Variants in TMPRSS13 observed in about 807,000 individuals in gnomAD.
The protein encoded by TMPRSS13 is transmembrane serine protease 13, also known as transmembrane protease serine 13.
A neutral mutation model predicts 68.4 loss-of-function variants in TMPRSS13; 50 were observed. The ratio of observed to expected loss-of-function variants is 0.73; its 90% confidence interval spans 0.58 to 0.93. TMPRSS13 has a LOEUF of 0.93. Among genes scored for constraint, TMPRSS13 ranks in the 40% least tolerant of loss-of-function variants. The pLI, the probability that TMPRSS13 is intolerant of heterozygous loss-of-function variation, is 0.00. For synonymous variants in TMPRSS13, 267 were observed against 285.8 expected, an observed-to-expected ratio of 0.93 and a Z score of 0.66; for missense variants, 615 against 729.2, an observed-to-expected ratio of 0.84 and a Z score of 1.80.
At chr11:117,919,604 C>T (rs2057622693) in intron 1 of TMPRSS13, among the ~76,000 whole-genome samples, 1 of 152,268 alleles carries the variant, frequency 6.6e-6, no homozygotes, top group Non-Finnish European at 1.5e-5. Context: ...TCTTCCCCAA[C>T]TTCAGGGGGA....
intron 2 of TMPRSS13, 126 bp downstream of exon 2, chr11:117,918,282 AC>A (rs1033334938): frequency 5.6e-5 from 60 of 1,079,860 alleles, no homozygotes; most frequent in Middle Eastern, 3.1e-4. Context: ...CTCACTTCCC[AC>A]CCCCCTACCT....
At position 117,917,219 on chromosome 11, in the gene TMPRSS13, G is replaced by A. The variant is rs746497667; in HGVS notation, c.507C>T (p.Ile169=). The A allele has an allele frequency of 8.1e-6, 13 of 1,612,914 alleles. No individual in the cohort carries two copies. The highest frequency in any genetic ancestry group is 1.1e-5 in the Non-Finnish European group (13 of 1,180,016). Residue 169 remains isoleucine, a synonymous_variant, in exon 3 of 13, where the codon ATC becomes ATT. Transcript: ENST00000524993. The part of the protein sequence containing the change: ...WREGQKQLPL[I]GCVLLLIALV... The stretch of plus-strand genomic sequence containing the variant: ...GGGCAATGAGGAGGAGCACGCACCC[G>A]ATGAGCGGTAGCTGCTTCTGGCCCT...
In TMPRSS13 at chr11:117,918,393, A is replaced by G. The variant is rs369987500; in HGVS notation, c.451+16T>C. ...GCTTCCCATCTCTCGTGGCTTCCCT[A>G]CAGCATCCCCCTTACCTGGGCTCTC... On this transcript the variant is annotated intron_variant, in intron 2 of 12. Transcript: ENST00000524993. 5.6e-6 allele frequency: 9 copies of G among 1,609,786 alleles called. No homozygotes were observed. The highest frequency in any genetic ancestry group is 1.1e-5 in the South Asian group (1 of 90,930).
chr11:117,910,453 A>T, intron 7 of TMPRSS13: 1 of 494,950 alleles, frequency 2.0e-6, no homozygotes, highest in Non-Finnish European at 3.6e-6. Context: ...CCCCTGATGC[A>T]CAGAAGACTC....
At chr11:117,928,124 T>C (rs1419238442) in intron 1 of TMPRSS13, among the ~76,000 whole-genome samples, 2 of 152,310 alleles carry the variant, frequency 1.3e-5, no homozygotes. Flanking sequence ...GCTCCCAGCA[T>C]ATTGCCAAGG....
intron 1 of TMPRSS13, among the ~76,000 whole-genome samples, chr11:117,928,397 C>T (rs143710363): frequency 3.4e-3 from 514 of 152,282 alleles, no homozygotes; most frequent in African/African-American, 0.012. Context: ...GCAGAATGGA[C>T]CACAAGCCAA....
At chr11:117,921,693 C>A (rs568469730) in intron 1 of TMPRSS13, among the ~76,000 whole-genome samples, 184 of 152,276 alleles carry the variant, frequency 1.2e-3, no homozygotes, top group Non-Finnish European at 2.2e-3. Flanking sequence ...TCTCTGCAGG[C>A]CCTGGGTCTG....
In TMPRSS13 at chr11:117,905,742, A is replaced by G. The variant is rs1011509233; in HGVS notation, c.1283-6T>C. 1 of 1,590,886 alleles carries G rather than the reference A, an allele frequency of 6.3e-7. No individual in the cohort carries two copies. Among genetic ancestry groups the G allele is most frequent in the Non-Finnish European group, 8.6e-7 (1 of 1,165,550 alleles). ...GCAAGCAGGGTGGATGTGAGCTGCA[A>G]CAAGACCTCCAGACGTCAGTGAAGG... On this transcript the variant is annotated splice_region_variant and splice_polypyrimidine_tract_variant and intron_variant, in intron 9 of 12. Coordinates refer to ENST00000524993, the MANE Select transcript of TMPRSS13 (RefSeq NM_001077263.3).
In TMPRSS13 at chr11:117,929,399, A is replaced by G; in HGVS notation, c.-92T>C. ...GCTTCTCAGGCATGTAGGGTAAAGG[A>G]GTTGGAGGGCCAAGGGCCAGCCCCC... On this transcript the variant is annotated 5_prime_UTR_variant, in exon 1 of 13. Transcript: ENST00000524993. The G allele has an allele frequency of 7.8e-7, 1 of 1,275,094 alleles. No individual in the cohort carries two copies. Among genetic ancestry groups the G allele is most frequent in the East Asian group, 2.5e-5 (1 of 39,482 alleles). The allele number at this position is 1,275,094 out of a possible 1,614,324, so 79.0% of individuals were successfully genotyped here.
chr11:117,914,348 T>C lies in TMPRSS13; in HGVS notation c.679+44A>G, dbSNP rs1387059888. The C allele has an allele frequency of 6.2e-7, 1 of 1,607,322 alleles. No homozygotes were observed. The highest frequency in any genetic ancestry group is 8.5e-7 in the Non-Finnish European group (1 of 1,178,668). On this transcript the variant is annotated intron_variant, in intron 4 of 12. Transcript: ENST00000524993. This position sits in a 1 kb window ranked among gnomAD's most constrained non-coding sequence, Gnocchi z 4.2. ...ATATACAAACAGGCACACAAACACA[T>C]GCACATGCACACGCACGCGCTCCCC...
intron 12 of TMPRSS13, 88 bp from the exon 13 acceptor site, chr11:117,902,353 T>C: frequency 2.7e-6 from 4 of 1,461,346 alleles, no homozygotes; most frequent in Non-Finnish European, 3.8e-6. Context: ...GAACCTATAA[T>C]TTAGCCTCGC....
chr11:117,921,658 C>T (rs994395635), intron 1 of TMPRSS13, among the ~76,000 whole-genome samples: 1 of 152,138 alleles, frequency 6.6e-6, no homozygotes, highest in Non-Finnish European at 1.5e-5. Flanking sequence ...GCAGAAAGGG[C>T]GACACATCCG....
At chr11:117,920,978 T>C (rs2057639783) in intron 1 of TMPRSS13, among the ~76,000 whole-genome samples, 1 of 152,176 alleles carries the variant, frequency 6.6e-6, no homozygotes, top group Non-Finnish European at 1.5e-5. Flanking sequence ...GTGATACACA[T>C]GAAAGAGCCT....
intron 11 of TMPRSS13, 63 bp downstream of exon 11, chr11:117,903,896 A>C (rs1478041095): frequency 6.3e-7 from 1 of 1,596,652 alleles, no homozygotes; most frequent in Non-Finnish European, 8.5e-7. Flanking sequence ...ATCAGCCCCA[A>C]CACCCCTGCC....
chr11:117,900,806 C>T lies in TMPRSS13; in HGVS notation c.*1433G>A, dbSNP rs73591123. ...CTTCTGGGGCAGTCTTTCCCTTGAG[C>T]GGCCATGGCCTGCCTGAGCTGGGCT... is the stretch of plus-strand genomic sequence containing the variant. On this transcript the variant is annotated 3_prime_UTR_variant, in exon 13 of 13. Transcript: ENST00000524993. 0.035 allele frequency: 5,346 copies of T among 152,392 alleles called. 205 individuals are homozygous for T. Among genetic ancestry groups the T allele is most frequent in the African/African-American group, 0.088 (3,660 of 41,558 alleles). 9.4% of individuals were successfully genotyped at this position (152,392 alleles called of 1,614,324 possible). A position where few individuals can be genotyped will look rare whatever the true frequency, so the allele number is the denominator to read the frequency against.
chr11:117,927,726 G>GC (rs1192111828), intron 1 of TMPRSS13, among the ~76,000 whole-genome samples: 1 of 152,162 alleles, frequency 6.6e-6, no homozygotes, highest in African/African-American at 2.4e-5. Context: ...GGGAATACGA[G>GC]CCCCAACTAT....
chr11:117,908,350 A>T, intron 9 of TMPRSS13: 1 of 604,274 alleles, frequency 1.7e-6, no homozygotes, highest in East Asian at 2.8e-5. Context: ...ATTGATTAAG[A>T]TCAGTACCCA....
intron 6 of TMPRSS13, among the ~76,000 whole-genome samples, chr11:117,911,452 G>A (rs2057522651): frequency 6.6e-6 from 1 of 152,176 alleles, no homozygotes; most frequent in African/African-American, 2.4e-5. Flanking sequence ...TCCACTCCCT[G>A]CAGCAGCTCT....
rs537697712 is a variant in TMPRSS13 at position 117,909,697 on chromosome 11, G to A, written c.1109+109C>T. 6.7e-6 allele frequency: 9 copies of A among 1,350,460 alleles called. No homozygotes were observed. In the African/African-American group the frequency reaches 8.6e-5, roughly 13 times the overall value. 83.7% of individuals were successfully genotyped at this position (1,350,460 alleles called of 1,614,324 possible). On this transcript the variant is annotated intron_variant, in intron 8 of 12. Coordinates refer to ENST00000524993, the MANE Select transcript of TMPRSS13 (RefSeq NM_001077263.3). ...CAGTGCCAACTGGCCCATGGGGGCT[G>A]GACTCACACCCAGAATCCTCCTCCA...
Sources: gnomAD v4.1 joint callset for allele counts (sites outside exome capture counted in the v4.1 genomes callset) on GRCh38, gnomAD v4.1.1 for gene constraint, Gnocchi (gnomAD v3.1) non-coding constraint, MANE v1.5 for transcripts, NCBI Gene and HGNC (gene_info 2026-07-23, HGNC 2026-07-21) for gene names.